GNAO1: variants seen among roughly 807,000 people sequenced by gnomAD.
GNAO1 encodes guanine nucleotide-binding protein G(o) subunit alpha.
For missense variants in GNAO1, 166 were observed against 478.7 expected (o/e 0.35, Z 6.10); for synonymous variants, 164 against 180.7 (o/e 0.91, Z 0.74).
In GNAO1 at chr16:56,192,026, CTGCCGCG is replaced by C. The variant is rs1233909250; in HGVS notation, c.-209_-203del. The C allele has an allele frequency of 3.4e-6, 2 of 586,230 alleles. No homozygotes were observed. The highest frequency in any genetic ancestry group is 6.1e-6 in the Non-Finnish European group (2 of 329,078). 36.3% of individuals were successfully genotyped at this position (586,230 alleles called of 1,614,324 possible). ...TTCGACAACCCCAGACCCCTGCCAG[CTGCCGCG>C]AGTCTCCGCTGCTGGAATCTTGTTA... is the stretch of plus-strand genomic sequence containing the variant. On this transcript the variant is annotated 5_prime_UTR_variant, in exon 1 of 9. Transcript: ENST00000262493.
chr16:56,250,392 T>C (rs966835191), intron 2 of GNAO1, among the ~76,000 whole-genome samples: 1 of 152,154 alleles, frequency 6.6e-6, no homozygotes, highest in Admixed American at 6.5e-5. Context: ...AAAGCCACTG[T>C]TAATATTCCT....
intron 6 of GNAO1, chr16:56,346,531 C>A (rs2037872280): frequency 3.0e-6 from 3 of 985,298 alleles, no homozygotes; most frequent in South Asian, 4.7e-5. Context: ...CAGGTCTTGG[C>A]CTTCCCTCTG....
intron 2 of GNAO1, among the ~76,000 whole-genome samples, chr16:56,261,621 G>A (rs151310988): frequency 2.0e-5 from 3 of 152,326 alleles, no homozygotes; most frequent in African/African-American, 7.2e-5. Flanking sequence ...TTGGGGTTAG[G>A]TGGAGTCGGG....
chr16:56,296,848 C>T (rs1170497502), intron 3 of GNAO1, among the ~76,000 whole-genome samples: 2 of 152,148 alleles, frequency 1.3e-5, no homozygotes, highest in African/African-American at 4.8e-5. Context: ...AAGTTCCTTC[C>T]CTAGCAATAA....
At chr16:56,206,509 C>A (rs1469035037) in intron 2 of GNAO1, among the ~76,000 whole-genome samples, 3 of 152,016 alleles carry the variant, frequency 2.0e-5, no homozygotes, top group Non-Finnish European at 4.4e-5. Context: ...GAAATTACAT[C>A]AGTGGTTTCC....
intron 2 of GNAO1, among the ~76,000 whole-genome samples, chr16:56,237,572 C>T (rs2036650358): frequency 1.3e-5 from 2 of 152,188 alleles, no homozygotes; most frequent in African/African-American, 2.4e-5. Flanking sequence ...GGGAAAAACA[C>T]AGCCGGTCCA....
chr16:56,192,316 C>A lies in GNAO1; in HGVS notation c.81C>A (p.Gly27=). 1 of 1,609,862 alleles carries A rather than the reference C, an allele frequency of 6.2e-7. No homozygotes were observed. Among genetic ancestry groups the A allele is most frequent in the Non-Finnish European group, 8.5e-7 (1 of 1,177,056 alleles). Reference sequence around the variant, plus strand: ...TTGAGAAAAACCTCAAAGAGGATGGCATCAGCGCCGCCAAAGACGTGAAAT... The same window carrying A: ...TTGAGAAAAACCTCAAAGAGGATGGAATCAGCGCCGCCAAAGACGTGAAAT... The part of the protein sequence containing the change: ...KAIEKNLKED[G]ISAAKDVKLL... Residue 27 remains glycine (G), a synonymous_variant, in exon 1 of 9, where the codon GGC becomes GGA. Coordinates refer to ENST00000262493, the MANE Select transcript of GNAO1 (RefSeq NM_020988.3).
intron 6 of GNAO1, among the ~76,000 whole-genome samples, chr16:56,338,041 G>A (rs1335055813): frequency 6.6e-6 from 1 of 152,214 alleles, no homozygotes; most frequent in Non-Finnish European, 1.5e-5. Context: ...CTCTCTCTGG[G>A]TCTGTTTCCT....
At chr16:56,238,632 G>T (rs1395405743) in intron 2 of GNAO1, among the ~76,000 whole-genome samples, 2 of 152,226 alleles carry the variant, frequency 1.3e-5, no homozygotes, top group Non-Finnish European at 2.9e-5. Flanking sequence ...CTGCACTCCT[G>T]ATCTCTTTCC....
intron 3 of GNAO1, among the ~76,000 whole-genome samples, chr16:56,312,737 G>A (rs909539773): frequency 1.1e-4 from 17 of 152,368 alleles, no homozygotes; most frequent in Admixed American, 4.6e-4. Context: ...TCCAGCCCTG[G>A]GATGTGCTGC....
chr16:56,229,371 A>AT (rs1177237984), intron 2 of GNAO1, among the ~76,000 whole-genome samples: 17 of 151,802 alleles, frequency 1.1e-4, no homozygotes, highest in South Asian at 6.3e-4. Flanking sequence ...CGCCTGACTA[A>AT]TTTTTTTTGT....
intron 8 of GNAO1, chr16:56,355,637 C>T (rs770826312): frequency 1.3e-5 from 2 of 152,258 alleles, no homozygotes; most frequent in South Asian, 2.1e-4. Context: ...GCTTCTCTTT[C>T]GGGTGGTGGT....
intron 6 of GNAO1, chr16:56,347,937 C>A: frequency 1.1e-6 from 1 of 920,392 alleles, no homozygotes; most frequent in Non-Finnish European, 1.3e-6. Flanking sequence ...TGCTGAGTAT[C>A]TTCTTCCTCC....
At chr16:56,308,660 G>T (rs1234757696) in intron 3 of GNAO1, among the ~76,000 whole-genome samples, 3 of 152,192 alleles carry the variant, frequency 2.0e-5, no homozygotes, top group African/African-American at 7.2e-5. Context: ...GGGAACATTG[G>T]CACCTAAATG....
rs145374240 is a variant in GNAO1, at chr16:56,269,142, A to G, written c.162-6789A>G. On this transcript the variant is annotated intron_variant, in intron 2 of 8. Transcript: ENST00000262493. ...TTCATGACACGTTAAGACAGCCTCAAATCAGGAAATCCACCTTCTCATCCC... is the reference window on the plus strand; with the variant it reads ...TTCATGACACGTTAAGACAGCCTCAGATCAGGAAATCCACCTTCTCATCCC... Among the ~76,000 whole-genome samples the G allele has an allele frequency of 1.5e-3, 232 of 152,342 alleles. 1 individual carries two copies. Among genetic ancestry groups the G allele is most frequent in the African/African-American group, 5.4e-3 (225 of 41,578 alleles).
chr16:56,247,588 G>T (rs1275062555), intron 2 of GNAO1, among the ~76,000 whole-genome samples: 1 of 142,362 alleles, frequency 7.0e-6, no homozygotes, highest in East Asian at 2.2e-4. Flanking sequence ...AGAGCATCTT[G>T]TGCATACATA....
chr16:56,222,460 A>G (rs1177491726), intron 2 of GNAO1, among the ~76,000 whole-genome samples: 1 of 152,174 alleles, frequency 6.6e-6, no homozygotes, highest in African/African-American at 2.4e-5. Context: ...GCCCCTCTAC[A>G]ACCAACATGA....
chr16:56,198,830 G>A (rs541620531), intron 2 of GNAO1, among the ~76,000 whole-genome samples: 139 of 152,310 alleles, frequency 9.1e-4, no homozygotes, highest in African/African-American at 3.3e-3. Context: ...CAGAAGGGGG[G>A]TGCTGTGGTT....
At chr16:56,240,506 G>A (rs2036684735) in intron 2 of GNAO1, among the ~76,000 whole-genome samples, 1 of 152,172 alleles carries the variant, frequency 6.6e-6, no homozygotes. Context: ...CTTTTATTGA[G>A]TGGTGGGTCC....
Sources: allele counts gnomAD v4.1 joint callset (sites outside exome capture counted in the v4.1 genomes callset), GRCh38; gene constraint gnomAD v4.1.1; transcripts MANE v1.5; gene names NCBI Gene and HGNC (gene_info 2026-07-23, HGNC 2026-07-21).